The following BRINP3 variants were observed in gnomAD, a reference collection of about 807,000 sequenced individuals.
BRINP3 encodes BMP/retinoic acid-inducible neural-specific protein 3.
BRINP3 carries 19 observed loss-of-function variants against 71.0 expected under a neutral mutation model. The ratio of observed to expected loss-of-function variants is 0.27; its 90% CI spans 0.19 to 0.39. The LOEUF (loss-of-function observed/expected upper bound fraction) is 0.39. Ranked by LOEUF, BRINP3 falls within the 10% of genes least tolerant of loss-of-function variation. The pLI is 1.00. For synonymous variants in BRINP3, 380 were observed against 337.7 expected (o/e 1.13, Z -1.37); for missense variants, 959 against 940.8 (o/e 1.02, Z -0.25).
At chr1:190,425,099 C>G (rs1245982645) in intron 2 of BRINP3, among the ~76,000 whole-genome samples, 1 of 151,510 alleles carries the variant, frequency 6.6e-6, no homozygotes, top group East Asian at 1.9e-4. Flanking sequence ...TATTGAAAAT[C>G]TCAGAATGCA....
intron 2 of BRINP3, among the ~76,000 whole-genome samples, chr1:190,381,253 T>C (rs749045380): frequency 2.0e-5 from 3 of 152,088 alleles, no homozygotes; most frequent in Non-Finnish European, 4.4e-5. Context: ...TTTGCTTCCT[T>C]GACCTTTCCC....
intron 2 of BRINP3, among the ~76,000 whole-genome samples, chr1:190,383,662 C>T (rs186630925): frequency 1.6e-3 from 239 of 152,042 alleles, no homozygotes; most frequent in African/African-American, 5.3e-3. Context: ...ATCCATTTTA[C>T]CTGGTAAAGT....
rs142991616 is a variant in BRINP3 at position 190,464,832 on chromosome 1, A to G, written c.-50-9892T>C. Among the ~76,000 whole-genome samples the G allele has an allele frequency of 7.1e-4, 108 of 152,132 alleles. 1 individual carries two copies. The highest frequency in any genetic ancestry group is 2.3e-3 in the African/African-American group (95 of 41,534). On this transcript the variant is annotated intron_variant, in intron 1 of 7. Coordinates refer to ENST00000367462, the MANE Select transcript of BRINP3 (RefSeq NM_199051.3). ...TATAACTCTGCTAAACCTGTGTTCC[A>G]GAAAATTATTCTTCTTGTTTATTTT...
intron 2 of BRINP3, among the ~76,000 whole-genome samples, chr1:190,399,892 A>T (rs185306599): frequency 6.6e-6 from 1 of 152,172 alleles, no homozygotes; most frequent in Admixed American, 6.5e-5. Flanking sequence ...TGAAGCTCCA[A>T]TCTATTTAAG....
intron 2 of BRINP3, among the ~76,000 whole-genome samples, chr1:190,452,603 A>T (rs1258909193): frequency 1.3e-5 from 2 of 152,200 alleles, no homozygotes; most frequent in Non-Finnish European, 2.9e-5. Flanking sequence ...TCACGCCTGT[A>T]ATCCCAGCAC....
At chr1:190,280,551 A>T (rs1203472972) in intron 3 of BRINP3, among the ~76,000 whole-genome samples, 2 of 151,866 alleles carry the variant, frequency 1.3e-5, no homozygotes, top group Non-Finnish European at 2.9e-5. Flanking sequence ...GGTGTAAAAA[A>T]TTGACATGAC....
intron 2 of BRINP3, among the ~76,000 whole-genome samples, chr1:190,298,796 T>C (rs1162652366): frequency 6.6e-6 from 1 of 152,150 alleles, no homozygotes; most frequent in African/African-American, 2.4e-5. Context: ...GTTAAAGAGT[T>C]CTATATATAT....
intron 2 of BRINP3, among the ~76,000 whole-genome samples, chr1:190,375,441 A>G (rs1461455424): frequency 6.6e-6 from 1 of 151,974 alleles, no homozygotes; most frequent in Admixed American, 6.6e-5. Context: ...ACTTTATAGA[A>G]ATAAAAATAT....
At chr1:190,475,500 A>C (rs1446107476) in intron 1 of BRINP3, among the ~76,000 whole-genome samples, 1 of 152,124 alleles carries the variant, frequency 6.6e-6, no homozygotes, top group Non-Finnish European at 1.5e-5. Flanking sequence ...GCAGAGCCTG[A>C]GCTAGCAGGT....
intron 2 of BRINP3, among the ~76,000 whole-genome samples, chr1:190,421,714 G>A (rs143100467): frequency 2.1e-3 from 315 of 151,714 alleles, no homozygotes; most frequent in African/African-American, 7.4e-3. Flanking sequence ...CTAGTTCTGT[G>A]CCATTAGACA....
chr1:190,457,736 C>A (rs990908157), intron 1 of BRINP3, among the ~76,000 whole-genome samples: 2 of 152,062 alleles, frequency 1.3e-5, no homozygotes, highest in Non-Finnish European at 2.9e-5. Flanking sequence ...TTTGTACTCA[C>A]ACATGTGATT....
Position 190,098,274 on chromosome 1 carries a change from T to C in BRINP3, c.2045A>G (p.Asp682Gly). 6.2e-7 allele frequency: 1 copy of C among 1,614,144 alleles called. No homozygotes were observed. The highest frequency in any genetic ancestry group is 8.5e-7 in the Non-Finnish European group (1 of 1,180,020). Reference sequence around the variant, plus strand: ...GGGGTAGTCCAGCTGCAAAATCAGGTCCCGAATTGCTTCAGGGTCAAAGTG... The same window carrying C: ...GGGGTAGTCCAGCTGCAAAATCAGGCCCCGAATTGCTTCAGGGTCAAAGTG... Reference protein sequence around the residue: ...SMHFDPEAIRDLILQLDYPYT... With the variant: ...SMHFDPEAIRGLILQLDYPYT... The change falls in exon 8 of 8, where the codon GAC (aspartate) becomes GGC (glycine). Residue 682 changes from aspartate (D) to glycine (G), a missense_variant. By Grantham distance (94) the Asp-to-Gly change is moderately conservative. Coordinates refer to ENST00000367462, the MANE Select transcript of BRINP3 (RefSeq NM_199051.3).
chr1:190,137,471 G>A (rs1236706521), intron 7 of BRINP3, among the ~76,000 whole-genome samples: 1 of 151,316 alleles, frequency 6.6e-6, no homozygotes, highest in Non-Finnish European at 1.5e-5. Flanking sequence ...AAAATGCTTC[G>A]CATTATAGAC....
intron 6 of BRINP3, among the ~76,000 whole-genome samples, chr1:190,201,192 T>C (rs1253531444): frequency 2.6e-5 from 4 of 152,156 alleles, no homozygotes; most frequent in South Asian, 2.1e-4. Context: ...CAGATGAAGA[T>C]GAGGAACTTG....
In BRINP3 at chr1:190,446,459, G is replaced by A. The variant is rs189250792; in HGVS notation, c.236+8196C>T. Among the ~76,000 whole-genome samples, 250 of 152,022 alleles carry A rather than the reference G, an allele frequency of 1.6e-3. 1 individual carries two copies. Among genetic ancestry groups the A allele is most frequent in the African/African-American group, 5.9e-3 (243 of 41,518 alleles). ...ACAAGAAATAGGAAAAAATTAGATT[G>A]GTGGGGGAAAGATAAGTAATTACAC... is the stretch of plus-strand genomic sequence containing the variant. On this transcript the variant is annotated intron_variant, in intron 2 of 7. Coordinates refer to ENST00000367462, the MANE Select transcript of BRINP3 (RefSeq NM_199051.3).
intron 7 of BRINP3, among the ~76,000 whole-genome samples, chr1:190,116,088 T>A (rs893401666): frequency 6.6e-6 from 1 of 152,128 alleles, no homozygotes; most frequent in Non-Finnish European, 1.5e-5. Context: ...AAAAATGAAG[T>A]TGTTTCCTAA....
rs1651022961 is a variant in BRINP3, at chr1:190,161,976, A to C, written c.962-1086T>G. Among the ~76,000 whole-genome samples the C allele has an allele frequency of 2.0e-5, 3 of 152,146 alleles. No homozygotes were observed. In the South Asian group the frequency reaches 6.2e-4, roughly 31 times the overall value. On this transcript the variant is annotated intron_variant, in intron 6 of 7. Transcript: ENST00000367462. Reference sequence around the variant, plus strand: ...TAACAATTCACAGTGAATTATATTCATGAACATTGGGTTTATTTTTCCTAG... The same window carrying C: ...TAACAATTCACAGTGAATTATATTCCTGAACATTGGGTTTATTTTTCCTAG...
intron 6 of BRINP3, among the ~76,000 whole-genome samples, chr1:190,165,651 T>C (rs955090349): frequency 6.6e-6 from 1 of 150,426 alleles, no homozygotes; most frequent in Non-Finnish European, 1.5e-5. Flanking sequence ...CACATTTTCC[T>C]GGAATATGAG....
At chr1:190,303,150 T>C (rs1664855067) in intron 2 of BRINP3, among the ~76,000 whole-genome samples, 1 of 151,668 alleles carries the variant, frequency 6.6e-6, no homozygotes, top group Non-Finnish European at 1.5e-5. Flanking sequence ...GAAATCAACT[T>C]TTTAAAAATT....
Sources: gnomAD v4.1 joint callset for allele counts (sites outside exome capture counted in the v4.1 genomes callset) on GRCh38, gnomAD v4.1.1 for gene constraint, MANE v1.5 for transcripts, NCBI Gene and HGNC (gene_info 2026-07-23, HGNC 2026-07-21) for gene names.